CLCN6: variants seen among roughly 807,000 people sequenced by gnomAD.
CLCN6 encodes H(+)/Cl(-) exchange transporter 6.
CLCN6 carries 70 observed loss-of-function variants against 109.8 expected under a neutral mutation model. The ratio of observed to expected loss-of-function variants is 0.64; its 90% CI spans 0.53 to 0.78. The LOEUF (loss-of-function observed/expected upper bound fraction) is 0.78, where lower values mean the gene tolerates loss of function less well. Ranked by LOEUF, CLCN6 falls within the 30% of genes least tolerant of loss-of-function variation. CLCN6 has a pLI of 0.00. For missense variants in CLCN6, 984 were observed against 1,142.3 expected (o/e 0.86, Z 2.00); for synonymous variants, 444 against 447.8 (o/e 0.99, Z 0.11).
Position 11,841,683 on chromosome 1 carries a change from C to A in CLCN6, c.*1460C>A, listed in dbSNP as rs1403437145. 1.3e-5 allele frequency: 2 copies of A among 152,262 alleles called. No homozygotes were observed. The highest frequency in any genetic ancestry group is 4.8e-5 in the African/African-American group (2 of 41,458). The allele number at this position is 152,262 out of a possible 1,614,324, so 9.4% of individuals were successfully genotyped here. ...GCTCTCAGGCCCAGCCCTGGGCGACCTCCTTGGCCAAGTCTGCCTTTCACC... is the reference window on the plus strand; with the variant it reads ...GCTCTCAGGCCCAGCCCTGGGCGACATCCTTGGCCAAGTCTGCCTTTCACC... On this transcript the variant is annotated 3_prime_UTR_variant, in exon 23 of 23. Transcript: ENST00000346436.
At chr1:11,806,657 C>T (rs1644516345) in intron 1 of CLCN6, 2 of 412,360 alleles carry the variant, frequency 4.9e-6, no homozygotes, top group Admixed American at 4.6e-5. Context: ...TGAGCTTCCT[C>T]ACAGGACTTT....
At chr1:11,839,163 T>TA (rs1644988785) in intron 22 of CLCN6, 1 of 572,928 alleles carries the variant, frequency 1.7e-6, no homozygotes, top group South Asian at 2.3e-5. Flanking sequence ...CAAAAACACA[T>TA]ATGAGCAAAA....
intron 2 of CLCN6, among the ~76,000 whole-genome samples, chr1:11,812,039 A>G (rs1226263099): frequency 6.6e-6 from 1 of 152,124 alleles, no homozygotes; most frequent in Admixed American, 6.6e-5. Flanking sequence ...GCTTAAGCCC[A>G]GGAGTTGGAG....
rs1645028458 is a variant in CLCN6 at position 11,841,912 on chromosome 1, A to G, written c.*1689A>G. On this transcript the variant is annotated 3_prime_UTR_variant, in exon 23 of 23. Transcript: ENST00000346436. ...CTGCTTCCCAGAATGCACCTGACTT[A>G]TGAAATGGGGATAATACTCCCAGGA... 6.6e-6 allele frequency: 1 copy of G among 152,238 alleles called. No individual in the cohort carries two copies. The highest frequency in any genetic ancestry group is 2.1e-4 in the South Asian group (1 of 4,836). 9.4% of individuals were successfully genotyped at this position (152,238 alleles called of 1,614,324 possible).
chr1:11,824,697 C>A (rs572556837), intron 8 of CLCN6, 144 bp downstream of exon 8: 6 of 539,084 alleles, frequency 1.1e-5, no homozygotes, highest in African/African-American at 5.9e-5. Context: ...GTGTCTATCT[C>A]TCAGGAAAGG....
chr1:11,834,095 T>G lies in CLCN6; in HGVS notation c.1526+65T>G. On this transcript the variant is annotated intron_variant, in intron 15 of 22. Transcript: ENST00000346436. The surrounding 1 kb of genome is among the most constrained non-coding windows in gnomAD (Gnocchi z 4.5). ...GTGTGCACGTGTGCGTGTGTATGCA[T>G]GTGTGTGCGTGTGCGTGCGTTGATG... The G allele has an allele frequency of 6.3e-7, 1 of 1,597,090 alleles. No homozygotes were observed. The highest frequency in any genetic ancestry group is 1.1e-5 in the South Asian group (1 of 89,636).
intron 3 of CLCN6, among the ~76,000 whole-genome samples, chr1:11,816,356 T>C (rs988815070): frequency 2.0e-5 from 3 of 152,204 alleles, no homozygotes; most frequent in Admixed American, 1.3e-4. Flanking sequence ...ACCCATGCTA[T>C]CTGCAAGGTA....
Position 11,837,143 on chromosome 1 carries a change from A to G in CLCN6, c.2125A>G (p.Met709Val), listed in dbSNP as rs1644960571. Residue 709 changes from methionine to valine, a missense_variant, in exon 19 of 23, where the codon ATG becomes GTG. Physicochemically the swap from Met to Val is conservative, Grantham distance 21. Coordinates refer to ENST00000346436, the MANE Select transcript of CLCN6 (RefSeq NM_001286.5). ...CGAGAAGGAGGACCTCCTGCAGCAGATGCTGGAAAGGAGGTGAGAGCCTGG... is the reference window on the plus strand; with the variant it reads ...CGAGAAGGAGGACCTCCTGCAGCAGGTGCTGGAAAGGAGGTGAGAGCCTGG... ...PAEKEDLLQQMLERRYTPYPN... is the reference protein window; with the variant it reads ...PAEKEDLLQQVLERRYTPYPN... 6.2e-7 allele frequency: 1 copy of G among 1,612,578 alleles called. No homozygotes were observed. Among genetic ancestry groups the G allele is most frequent in the Non-Finnish European group, 8.5e-7 (1 of 1,179,940 alleles).
Position 11,841,468 on chromosome 1 carries a change from G to A in CLCN6, c.*1245G>A, listed in dbSNP as rs1324992496. ...CAGGCTGGCCCGCCCCCTCTGACTAGGCACCCAAAGTGAGCATCTGGGCAT... is the reference window on the plus strand; with the variant it reads ...CAGGCTGGCCCGCCCCCTCTGACTAAGCACCCAAAGTGAGCATCTGGGCAT... On this transcript the variant is annotated 3_prime_UTR_variant, in exon 23 of 23. Transcript: ENST00000346436. 1.3e-5 allele frequency: 2 copies of A among 152,280 alleles called. No individual in the cohort carries two copies. The highest frequency in any genetic ancestry group is 4.8e-5 in the African/African-American group (2 of 41,444). The allele number at this position is 152,280 out of a possible 1,614,324, so 9.4% of individuals were successfully genotyped here.
intron 5 of CLCN6, among the ~76,000 whole-genome samples, chr1:11,819,770 C>T (rs1476298357): frequency 1.3e-5 from 2 of 152,088 alleles, no homozygotes; most frequent in African/African-American, 4.8e-5. Flanking sequence ...TTACAGATGC[C>T]GCAAAGATGC....
At chr1:11,830,754 T>TATA (rs1215603637) in intron 13 of CLCN6, among the ~76,000 whole-genome samples, 14 of 136,620 alleles carry the variant, frequency 1.0e-4, no homozygotes, top group Admixed American at 1.0e-3. Context: ...TATATATATA[T>TATA]ATATATATAT....
At chr1:11,839,105 C>A in intron 22 of CLCN6, 1 of 587,952 alleles carries the variant, frequency 1.7e-6, no homozygotes, top group Non-Finnish European at 3.0e-6. Flanking sequence ...TTTCTTATTA[C>A]ACAAATATTT....
chr1:11,830,732 ATATAT>A (rs1465398988), intron 13 of CLCN6, among the ~76,000 whole-genome samples: 1 of 97,632 alleles, frequency 1.0e-5, no homozygotes, highest in African/African-American at 4.7e-5. Flanking sequence ...AGTTATATGT[ATATAT>A]TATATATATA....
At chr1:11,807,318 A>G in intron 2 of CLCN6, 128 bp downstream of exon 2, 1 of 759,058 alleles carries the variant, frequency 1.3e-6, no homozygotes, top group African/African-American at 1.7e-5. Flanking sequence ...TGGGTAAGAG[A>G]ACTTCCTTCT....
At chr1:11,839,211 C>T (rs1177912484) in intron 22 of CLCN6, among the ~76,000 whole-genome samples, 3 of 152,320 alleles carry the variant, frequency 2.0e-5, no homozygotes, top group South Asian at 4.1e-4. Context: ...TACCCTGTCG[C>T]GGTAGCCCTG....
In CLCN6 at chr1:11,833,903, T is replaced by A. The variant is rs752723999; in HGVS notation, c.1399T>A (p.Leu467Met). ...TACTTTCAGCCCCGTCACTCTGGCC[T>A]TGTTCTTCGTTCTCTATTTCTTGCT... is the stretch of plus-strand genomic sequence containing the variant. ...DGTFSPVTLA[L>M]FFVLYFLLAC... The change falls in exon 15 of 23, where the codon TTG becomes ATG. Residue 467 changes from leucine to methionine, a missense_variant. Transcript: ENST00000346436. The A allele has an allele frequency of 1.2e-6, 2 of 1,612,990 alleles. No individual in the cohort carries two copies. The highest frequency in any genetic ancestry group is 1.7e-6 in the Non-Finnish European group (2 of 1,179,728).
intron 4 of CLCN6, among the ~76,000 whole-genome samples, chr1:11,818,728 C>T (rs975659806): frequency 2.6e-5 from 4 of 152,178 alleles, no homozygotes; most frequent in African/African-American, 9.7e-5. Context: ...GAGTGGAATA[C>T]TGGAATTTGG....
rs768431344 is a variant in CLCN6, at chr1:11,834,054, GTGCGCA to G, written c.1526+27_1526+32del. 1 of 1,611,344 alleles carries G rather than the reference GTGCGCA, an allele frequency of 6.2e-7. No individual in the cohort carries two copies. The highest frequency in any genetic ancestry group is 8.5e-7 in the Non-Finnish European group (1 of 1,178,666). ...AGGTACTCTGTGTGTGTGCGTGTGT[GTGCGCA>G]TGTGCATGTGTGTGCACGTGTGCGT... On this transcript the variant is annotated intron_variant, in intron 15 of 22. Transcript: ENST00000346436. This position sits in a 1 kb window ranked among gnomAD's most constrained non-coding sequence, Gnocchi z 4.5.
chr1:11,840,308 G>A lies in CLCN6; in HGVS notation c.*85G>A, dbSNP rs1319666228. On this transcript the variant is annotated 3_prime_UTR_variant, in exon 23 of 23. Transcript: ENST00000346436. ...GGCACAGCTGGCTGGGGCTGTTCCG[G>A]GGCATGGAAGATTCCCAGTCACCCA... is the stretch of plus-strand genomic sequence containing the variant. 8.4e-7 allele frequency: 1 copy of A among 1,188,342 alleles called. No homozygotes were observed. The highest frequency in any genetic ancestry group is 1.2e-6 in the Non-Finnish European group (1 of 804,238). The allele number at this position is 1,188,342 out of a possible 1,614,324, so 73.6% of individuals were successfully genotyped here. A position where few individuals can be genotyped will look rare whatever the true frequency, so the allele number is the denominator to read the frequency against.
Sources: allele counts gnomAD v4.1 joint callset (sites outside exome capture counted in the v4.1 genomes callset), GRCh38; gene constraint gnomAD v4.1.1; non-coding constraint Gnocchi (gnomAD v3.1); transcripts MANE v1.5; gene names NCBI Gene and HGNC (gene_info 2026-07-23, HGNC 2026-07-21).